The following GRIK2 variants were observed in gnomAD, a reference collection of about 807,000 sequenced individuals.
GRIK2 encodes glutamate ionotropic receptor kainate type subunit 2, also known as glutamate receptor ionotropic, kainate 2.
GRIK2 carries 32 observed loss-of-function variants against 100.3 expected under a neutral mutation model. The observed-to-expected ratio is 0.32, with a 90% CI of 0.24 to 0.43. The LOEUF (loss-of-function observed/expected upper bound fraction) is 0.43, where lower values mean the gene tolerates loss of function less well. Among genes scored for constraint, GRIK2 ranks in the 20% least tolerant of loss-of-function variants. GRIK2 has a pLI of 1.00. For missense variants in GRIK2, 843 were observed against 1,114.9 expected, an observed-to-expected ratio of 0.76 and a Z score of 3.47; for synonymous variants, 417 against 389.4, an observed-to-expected ratio of 1.07 and a Z score of -0.83.
chr6:101,677,127 A>C (rs2128340199), intron 5 of GRIK2, among the ~76,000 whole-genome samples: 1 of 152,240 alleles, frequency 6.6e-6, no homozygotes, highest in East Asian at 1.9e-4. Flanking sequence ...AGAGTCAACC[A>C]GTTGAGCAGC....
At chr6:101,660,733 T>A (rs1190189793) in intron 4 of GRIK2, among the ~76,000 whole-genome samples, 6 of 152,172 alleles carry the variant, frequency 3.9e-5, no homozygotes. Flanking sequence ...GTCAGGCCCC[T>A]CTGCTGCAGG....
At chr6:101,838,014 A>G (rs1783252214) in intron 10 of GRIK2, among the ~76,000 whole-genome samples, 1 of 152,138 alleles carries the variant, frequency 6.6e-6, no homozygotes, top group Non-Finnish European at 1.5e-5. Context: ...AGCACGTCAT[A>G]AGACTCTCAT....
At chr6:101,650,870 C>T (rs899508212) in intron 4 of GRIK2, among the ~76,000 whole-genome samples, 1 of 152,100 alleles carries the variant, frequency 6.6e-6, no homozygotes, top group South Asian at 2.1e-4. Flanking sequence ...TCCCCACCCC[C>T]TAGCACCTAG....
At chr6:101,639,559 C>T (rs1781185448) in intron 4 of GRIK2, among the ~76,000 whole-genome samples, 1 of 151,980 alleles carries the variant, frequency 6.6e-6, no homozygotes, top group Admixed American at 6.6e-5. Context: ...CCACTGCACC[C>T]CAGTCTGGGC....
At chr6:101,741,427 G>C (rs1266885074) in intron 7 of GRIK2, among the ~76,000 whole-genome samples, 2 of 152,178 alleles carry the variant, frequency 1.3e-5, no homozygotes, top group African/African-American at 4.8e-5. Flanking sequence ...ACTGACGATA[G>C]ATAGATTAGC....
intron 7 of GRIK2, among the ~76,000 whole-genome samples, chr6:101,771,829 C>T (rs372113808): frequency 6.6e-6 from 1 of 151,734 alleles, no homozygotes; most frequent in East Asian, 1.9e-4. Context: ...TGATGGTTTC[C>T]AGCTTCATCC....
intron 7 of GRIK2, among the ~76,000 whole-genome samples, chr6:101,751,166 C>T (rs947949090): frequency 8.6e-5 from 13 of 151,988 alleles, no homozygotes; most frequent in African/African-American, 2.4e-4. Context: ...CTCAAACTTG[C>T]GGGCTCAAGT....
intron 2 of GRIK2, among the ~76,000 whole-genome samples, chr6:101,569,187 C>T (rs1777421477): frequency 6.6e-6 from 1 of 151,794 alleles, no homozygotes; most frequent in Non-Finnish European, 1.5e-5. Flanking sequence ...ACTTTAGCCT[C>T]CCAGATAGTT....
chr6:101,918,902 T>C (rs1367450361), intron 12 of GRIK2, among the ~76,000 whole-genome samples: 1 of 151,696 alleles, frequency 6.6e-6, no homozygotes, highest in African/African-American at 2.4e-5. Context: ...AGGTGATAAA[T>C]AGATATTTGA....
chr6:101,955,395 T>C (rs1012032722), intron 14 of GRIK2, among the ~76,000 whole-genome samples: 3 of 152,182 alleles, frequency 2.0e-5, no homozygotes, highest in African/African-American at 7.2e-5. Flanking sequence ...CTCATGTCTG[T>C]AATCCTAACA....
chr6:101,564,661 T>C (rs541214728), intron 2 of GRIK2, among the ~76,000 whole-genome samples: 110 of 152,264 alleles, frequency 7.2e-4, no homozygotes, highest in Admixed American at 1.4e-3. Context: ...CCTTGCGCTA[T>C]ATAAACCCCA....
At chr6:101,438,717 C>T (rs1582452747) in intron 2 of GRIK2, among the ~76,000 whole-genome samples, 1 of 152,010 alleles carries the variant, frequency 6.6e-6, no homozygotes, top group Admixed American at 6.6e-5. Flanking sequence ...AGTGACATGT[C>T]AAGTATGATT....
At chr6:101,460,163 C>T (rs1421915119) in intron 2 of GRIK2, among the ~76,000 whole-genome samples, 1 of 152,166 alleles carries the variant, frequency 6.6e-6, no homozygotes, top group African/African-American at 2.4e-5. Context: ...AGTGTCAAAG[C>T]CACAGTTGAG....
At chr6:101,835,202 A>AT (rs1307249587) in intron 10 of GRIK2, among the ~76,000 whole-genome samples, 2 of 151,994 alleles carry the variant, frequency 1.3e-5, no homozygotes, top group East Asian at 1.9e-4. Context: ...CAATTTTGAT[A>AT]TTTTTTTCAT....
At chr6:101,955,233 C>A (rs1429016070) in intron 14 of GRIK2, among the ~76,000 whole-genome samples, 1 of 151,800 alleles carries the variant, frequency 6.6e-6, no homozygotes, top group Non-Finnish European at 1.5e-5. Flanking sequence ...TGGAAAGTGT[C>A]CCTGCCTCTT....
rs770370901 is a variant in GRIK2 at position 101,676,783 on chromosome 6, G to T, written c.702G>T (p.Met234Ile). ...TAATCTTTGATTGTAGCCATGAAATGGCAGCAGGCATTTTAAAACAGGTAA... is the reference window on the plus strand; with the variant it reads ...TAATCTTTGATTGTAGCCATGAAATTGCAGCAGGCATTTTAAAACAGGTAA... ...FHVIFDCSHE[M>I]AAGILKQALA... Residue 234 changes from methionine to isoleucine, a missense_variant, in exon 5 of 17, where the codon ATG becomes ATT. Physicochemically the swap from Met to Ile is conservative, Grantham distance 10. This residue lies in a region of GRIK2 where 519 missense variants were observed against 643.8 expected (regional missense o/e 0.81). Transcript: ENST00000369134. The T allele has an allele frequency of 6.2e-7, 1 of 1,600,602 alleles. No individual in the cohort carries two copies. The highest frequency in any genetic ancestry group is 1.7e-5 in the Admixed American group (1 of 57,752).
intron 7 of GRIK2, among the ~76,000 whole-genome samples, chr6:101,719,034 G>A (rs1178748711): frequency 6.7e-6 from 1 of 149,756 alleles, no homozygotes; most frequent in Non-Finnish European, 1.5e-5. Context: ...CAAATCCAAG[G>A]TTTTCTTACT....
At chr6:101,641,923 A>G (rs147087609) in intron 4 of GRIK2, among the ~76,000 whole-genome samples, 271 of 152,004 alleles carry the variant, frequency 1.8e-3, no homozygotes, top group African/African-American at 6.3e-3. Context: ...ATGCAGGACA[A>G]AGTTTACATG....
At chr6:101,956,409 G>A (rs1276045811) in intron 14 of GRIK2, among the ~76,000 whole-genome samples, 1 of 152,006 alleles carries the variant, frequency 6.6e-6, no homozygotes, top group Admixed American at 6.6e-5. Flanking sequence ...AAGATTTCAG[G>A]GGTACAAGTG....
Sources: allele counts gnomAD v4.1 joint callset (sites outside exome capture counted in the v4.1 genomes callset), GRCh38; gene constraint gnomAD v4.1.1; regional missense constraint gnomAD v4.1.1; transcripts MANE v1.5; gene names NCBI Gene and HGNC (gene_info 2026-07-23, HGNC 2026-07-21).